The following RTEL1 variants were observed in gnomAD, a reference collection of about 807,000 sequenced individuals.
RTEL1 encodes regulator of telomere length.
Under a neutral mutation model 162.2 loss-of-function variants are expected in RTEL1, and 86 were observed. The observed-to-expected ratio is 0.53, with a 90% CI of 0.45 to 0.63. The LOEUF (loss-of-function observed/expected upper bound fraction) is 0.63, where lower values mean the gene tolerates loss of function less well. RTEL1 is among the 30% of genes least tolerant of loss of function. The probability of loss-of-function intolerance (pLI) is 0.00; values close to 1 mark genes in which losing one functional copy is unlikely to be tolerated. For synonymous variants in RTEL1, 958 were observed against 717.9 expected (o/e 1.33, Z -5.35); for missense variants, 1,941 against 1,750.2 (o/e 1.11, Z -1.95).
At chr20:63,691,380 G>C (rs1227938139) in intron 27 of RTEL1, among the ~76,000 whole-genome samples, 1 of 152,138 alleles carries the variant, frequency 6.6e-6, no homozygotes, top group African/African-American at 2.4e-5. Context: ...TTTTCTCCCT[G>C]CTTCCTGCTG....
At chr20:63,662,981 C>T in intron 6 of RTEL1, 92 bp downstream of exon 6, 2 of 1,301,328 alleles carry the variant, frequency 1.5e-6, no homozygotes, top group Non-Finnish European at 1.1e-6. Context: ...GTTGTGCTTG[C>T]CCGGTGGGGC....
rs6010620 is a variant in RTEL1, at chr20:63,678,486, A to G, written c.1037+140A>G. The G allele has an allele frequency of 0.75, 550,068 of 728,936 alleles. 213,549 individuals are homozygous for G. The highest frequency in any genetic ancestry group is 0.94 in the African/African-American group (53,063 of 56,576). 45.2% of individuals were successfully genotyped at this position (728,936 alleles called of 1,614,324 possible). On this transcript the variant is annotated intron_variant, in intron 12 of 34. Coordinates refer to ENST00000360203, the MANE Select transcript of RTEL1 (RefSeq NM_001283009.2). ...TCCCTTTTTGAGACCTGGGAGGAGC[A>G]CCTGCTTTGCATGATCTGGTTGCTG... is the stretch of plus-strand genomic sequence containing the variant.
intron 9 of RTEL1, among the ~76,000 whole-genome samples, chr20:63,673,246 T>C (rs2090281971): frequency 6.6e-6 from 1 of 151,192 alleles, no homozygotes; most frequent in Non-Finnish European, 1.5e-5. Context: ...ACAAAAAAAT[T>C]AGCTGGGCGT....
Position 63,692,911 on chromosome 20 carries a change from A to G in RTEL1, c.2759A>G (p.Gln920Arg), listed in dbSNP as rs2090788449. ...TTTGCCACCTTCACCCAGGCCCTGC[A>G]GGACTACAAGGGTTCCGATGACTTC... ...ANFATFTQAL[Q>R]DYKGSDDFAA... The change falls in exon 29 of 35, where the codon CAG (glutamine) becomes CGG (arginine). Residue 920 changes from glutamine to arginine, a missense_variant. By Grantham distance (43) the Gln-to-Arg change is conservative (BLOSUM62 1). Coordinates refer to ENST00000360203, the MANE Select transcript of RTEL1 (RefSeq NM_001283009.2). 1 of 1,612,654 alleles carries G rather than the reference A, an allele frequency of 6.2e-7. No homozygotes were observed. Among genetic ancestry groups the G allele is most frequent in the Non-Finnish European group, 8.5e-7 (1 of 1,179,854 alleles).
intron 9 of RTEL1, 35 bp from the exon 10 acceptor site, chr20:63,673,905 T>C (rs777358054): frequency 1.3e-6 from 2 of 1,584,180 alleles, no homozygotes; most frequent in South Asian, 2.3e-5. Context: ...GATCCTGTCC[T>C]GTTCTGTGGT....
Position 63,661,726 on chromosome 20 carries a change from C to G in RTEL1, c.302-124C>G. 1.1e-6 allele frequency: 1 copy of G among 949,226 alleles called. No homozygotes were observed. The highest frequency in any genetic ancestry group is 2.6e-5 in the East Asian group (1 of 38,964). 58.8% of individuals were successfully genotyped at this position (949,226 alleles called of 1,614,324 possible). ...CCCACTTCACCCATTTTTGATAAACCAGTATCTGGGGTGTCAGATTCTTGG... is the reference window on the plus strand; with the variant it reads ...CCCACTTCACCCATTTTTGATAAACGAGTATCTGGGGTGTCAGATTCTTGG... On this transcript the variant is annotated intron_variant, in intron 3 of 34. Coordinates refer to ENST00000360203, the MANE Select transcript of RTEL1 (RefSeq NM_001283009.2). The surrounding 1 kb of genome is among the most constrained non-coding windows in gnomAD (Gnocchi z 5.1).
At position 63,682,683 on chromosome 20, in the gene RTEL1, G is replaced by A. The variant is rs982440940; in HGVS notation, c.1191+1964G>A. The A allele has an allele frequency of 3.0e-6, 3 of 985,878 alleles. No homozygotes were observed. In the African/African-American group the frequency reaches 5.2e-5, roughly 17 times the overall value. 61.1% of individuals were successfully genotyped at this position (985,878 alleles called of 1,614,324 possible). On this transcript the variant is annotated intron_variant, in intron 14 of 34. Transcript: ENST00000360203. ...GGTGTGGGCGGTGCCCATAGGGCTG[G>A]TGCTGGGTTGGGCCTGCAGCCCTGA...
Position 63,695,209 on chromosome 20 carries a change from G to A in RTEL1, c.3487G>A (p.Ala1163Thr), listed in dbSNP as rs550764571. Residue 1163 changes from alanine to threonine, a missense_variant, in exon 33 of 35, where the codon GCT becomes ACT. Transcript: ENST00000360203. ...LAVPPVLTHRAPQPGPSRSEK... is the reference protein window; with the variant it reads ...LAVPPVLTHRTPQPGPSRSEK... ...CGTGCCTCCTGTGCTTACCCACAGG[G>A]CTCCCCAACCAGGTAGGGCACCTGC... 6.2e-7 allele frequency: 1 copy of A among 1,611,868 alleles called. No individual in the cohort carries two copies. Among genetic ancestry groups the A allele is most frequent in the Non-Finnish European group, 8.5e-7 (1 of 1,179,642 alleles).
At chr20:63,660,871 C>G (rs988883814) in intron 2 of RTEL1, 2 of 189,894 alleles carry the variant, frequency 1.1e-5, no homozygotes, top group South Asian at 1.8e-4. Flanking sequence ...GAGGTGCCCT[C>G]TTGTACCCGG....
chr20:63,689,140 C>T lies in RTEL1; in HGVS notation c.1878+8C>T, dbSNP rs1568710056. The stretch of plus-strand genomic sequence containing the variant: ...GCGGTCTGCCGGGGCAAGGTGAGCT[C>T]TCCAGGGCCCTCTGCCCTGACCTGG... On this transcript the variant is annotated splice_region_variant and intron_variant, in intron 22 of 34. Coordinates refer to ENST00000360203, the MANE Select transcript of RTEL1 (RefSeq NM_001283009.2). The T allele has an allele frequency of 2.5e-6, 4 of 1,607,262 alleles. No individual in the cohort carries two copies. The highest frequency in any genetic ancestry group is 2.2e-5 in the South Asian group (2 of 91,054).
At chr20:63,692,615 G>A in intron 28 of RTEL1, 190 bp from the exon 29 acceptor site, 1 of 613,012 alleles carries the variant, frequency 1.6e-6, no homozygotes, top group Non-Finnish European at 2.9e-6. Context: ...ACCTCAGACG[G>A]GCCCAGCCCC....
At chr20:63,666,498 A>G (rs1001723422) in intron 7 of RTEL1, among the ~76,000 whole-genome samples, 4 of 152,220 alleles carry the variant, frequency 2.6e-5, no homozygotes, top group African/African-American at 9.6e-5. Context: ...CAGAGATTCA[A>G]GTTATAATAA....
rs751880171 is a variant in RTEL1, at chr20:63,674,015, C to CA, written c.842dup (p.Val282GlyfsTer13). 6.2e-7 allele frequency: 1 copy of CA among 1,614,150 alleles called. No individual in the cohort carries two copies. Among genetic ancestry groups the CA allele is most frequent in the Non-Finnish European group, 8.5e-7 (1 of 1,180,026 alleles). On this transcript the variant is annotated frameshift_variant, in exon 10 of 35. Coordinates refer to ENST00000360203, the MANE Select transcript of RTEL1 (RefSeq NM_001283009.2). LOFTEE classifies it high-confidence loss of function. The stretch of plus-strand genomic sequence containing the variant: ...GGCTTCAGGACTGGACGTCATAGAC[C>CA]AGGTGCTGGAGGAGCAGACCAAGGC...
chr20:63,693,991 G>A (rs1013642836), intron 30 of RTEL1, among the ~76,000 whole-genome samples: 4 of 151,688 alleles, frequency 2.6e-5, no homozygotes, highest in East Asian at 2.0e-4. Context: ...GTCTCCAGAG[G>A]CGGAAGCATC....
rs1243516442 is a variant in RTEL1, at chr20:63,692,821, G to A, written c.2669G>A (p.Gly890Asp). ...GTCCTGCAGGAGGAGCCCGTGGCTG[G>A]TGCACAGACGGACAGGGCCAAGCTC... ...LVSHPEEPVA[G>D]AQTDRAKLFM... Residue 890 changes from glycine (G) to aspartate (D), a missense_variant, in exon 29 of 35, where the codon GGT (glycine) becomes GAT (aspartate). Gly to Asp is a moderately conservative substitution (Grantham distance 94). Transcript: ENST00000360203. 3.1e-6 allele frequency: 5 copies of A among 1,612,042 alleles called. No homozygotes were observed. Among genetic ancestry groups the A allele is most frequent in the Admixed American group, 3.3e-5 (2 of 60,002 alleles).
At position 63,687,717 on chromosome 20, in the gene RTEL1, C is replaced by T; in HGVS notation, c.1428C>T (p.Ile476=). ...TCCGCCAGGGCGTCCGCTCCCTCATCCTTACCAGCGGCACGCTGGCCCCGG... is the reference window on the plus strand; with the variant it reads ...TCCGCCAGGGCGTCCGCTCCCTCATTCTTACCAGCGGCACGCTGGCCCCGG... The part of the protein sequence containing the change: ...ELVRQGVRSL[I]LTSGTLAPVS... Residue 476 remains isoleucine (I), a synonymous_variant, in exon 17 of 35, where the codon ATC becomes ATT. Coordinates refer to ENST00000360203, the MANE Select transcript of RTEL1 (RefSeq NM_001283009.2). 1 of 1,601,952 alleles carries T rather than the reference C, an allele frequency of 6.2e-7. No individual in the cohort carries two copies.
chr20:63,680,090 G>A (rs1016279223), intron 13 of RTEL1, 144 bp downstream of exon 13: 2 of 623,762 alleles, frequency 3.2e-6, no homozygotes, highest in African/African-American at 1.9e-5. Context: ...TCTGATCGGG[G>A]CGTGGAGGCG....
chr20:63,663,554 G>A (rs1202844425), intron 6 of RTEL1, among the ~76,000 whole-genome samples: 1 of 152,210 alleles, frequency 6.6e-6, no homozygotes, highest in African/African-American at 2.4e-5. Flanking sequence ...GCTGCCCCTC[G>A]GGTATGTCAA....
intron 30 of RTEL1, 130 bp from the exon 31 acceptor site, chr20:63,694,242 C>A: frequency 1.3e-6 from 1 of 770,946 alleles, no homozygotes; most frequent in African/African-American, 1.7e-5. Flanking sequence ...CAGGCGTGTA[C>A]CTGCCTGGGT....
Sources: gnomAD v4.1 joint callset for allele counts (sites outside exome capture counted in the v4.1 genomes callset) on GRCh38, gnomAD v4.1.1 for gene constraint, Gnocchi (gnomAD v3.1) non-coding constraint, MANE v1.5 for transcripts, NCBI Gene and HGNC (gene_info 2026-07-23, HGNC 2026-07-21) for gene names.